Variants in CAMTA1 observed in about 807,000 individuals in gnomAD.
CAMTA1 encodes the protein calmodulin binding transcription activator 1.
Under a neutral mutation model 170.9 loss-of-function variants are expected in CAMTA1, and 27 were observed. The ratio of observed to expected loss-of-function variants is 0.16; its 90% confidence interval spans 0.12 to 0.22. The LOEUF is 0.22. CAMTA1 is among the 10% of genes least tolerant of loss of function. CAMTA1 has a pLI of 1.00. For missense variants in CAMTA1, 1,619 were observed against 2,217.2 expected (o/e 0.73, Z 5.42); for synonymous variants, 833 against 891.5 (o/e 0.93, Z 1.17).
At chr1:7,737,199 C>G in intron 14 of CAMTA1, 56 bp from the exon 15 acceptor site, 2 of 1,554,704 alleles carry the variant, frequency 1.3e-6, no homozygotes, top group Non-Finnish European at 1.8e-6. Context: ...TGGCAAAAGT[C>G]AGGTCTGGTC....
In CAMTA1 at chr1:6,970,679, G is replaced by C. The variant is rs1252839876; in HGVS notation, c.235-120625G>C. Among the ~76,000 whole-genome samples, 1 of 152,176 alleles carries C rather than the reference G, an allele frequency of 6.6e-6. No individual in the cohort carries two copies. The highest frequency in any genetic ancestry group is 1.5e-5 in the Non-Finnish European group (1 of 68,032). On this transcript the variant is annotated intron_variant, in intron 3 of 22. Transcript: ENST00000303635. The surrounding 1 kb of genome is among the most constrained non-coding windows in gnomAD (Gnocchi z 4.4). ...ATCGATGTGCATATCAGAAGCACAG[G>C]GGGCTACTAGAGCACCTGTTCAGGA...
chr1:7,128,557 GAAAA>G (rs1381942407), intron 4 of CAMTA1, among the ~76,000 whole-genome samples: 2 of 152,198 alleles, frequency 1.3e-5, no homozygotes, highest in African/African-American at 4.8e-5. Context: ...GATGGGCTAA[GAAAA>G]GTCAGATCAT....
At chr1:7,055,279 G>T (rs899915948) in intron 3 of CAMTA1, among the ~76,000 whole-genome samples, 3 of 152,184 alleles carry the variant, frequency 2.0e-5, no homozygotes, top group Non-Finnish European at 4.4e-5. Flanking sequence ...TTAACTGGTA[G>T]CTCTTACTAA....
chr1:7,521,449 T>G (rs1256678980), intron 6 of CAMTA1, among the ~76,000 whole-genome samples: 1 of 151,994 alleles, frequency 6.6e-6, no homozygotes, highest in Non-Finnish European at 1.5e-5. Context: ...TTTCCCCATT[T>G]TTACTTGCAT....
In CAMTA1 at chr1:7,664,469, C is replaced by T. The variant is rs749074000; in HGVS notation, c.1922C>T (p.Thr641Ile). The T allele has an allele frequency of 6.2e-7, 1 of 1,613,354 alleles. No individual in the cohort carries two copies. The highest frequency in any genetic ancestry group is 8.5e-7 in the Non-Finnish European group (1 of 1,180,038). ...THSSLSDSGG[T>I]FVMPTVKTEA... is the part of the protein sequence containing the mutation. ...AGCAGCCTGAGTGACTCTGGGGGCA[C>T]CTTCGTGATGCCCACGGTGAAAACG... Residue 641 changes from threonine to isoleucine, a missense_variant, in exon 9 of 23, where the codon ACC becomes ATC. Physicochemically the swap from Thr to Ile is moderately conservative, Grantham distance 89. This residue lies in a region of CAMTA1 where 731 missense variants were observed against 907.6 expected (regional missense o/e 0.81). Coordinates refer to ENST00000303635, the MANE Select transcript of CAMTA1 (RefSeq NM_015215.4).
chr1:7,160,572 A>G (rs1249957242), intron 4 of CAMTA1, among the ~76,000 whole-genome samples: 1 of 150,350 alleles, frequency 6.7e-6, no homozygotes, highest in African/African-American at 2.5e-5. Context: ...TCTCTTTGTG[A>G]CCTCCCATTC....
chr1:7,662,931 A>G (rs2095973232), intron 8 of CAMTA1, among the ~76,000 whole-genome samples: 1 of 152,178 alleles, frequency 6.6e-6, no homozygotes, highest in Non-Finnish European at 1.5e-5. Flanking sequence ...GAGGTGGGGC[A>G]GGATACGAAC....
chr1:7,104,583 C>T (rs914031078), intron 4 of CAMTA1, among the ~76,000 whole-genome samples: 2 of 152,208 alleles, frequency 1.3e-5, no homozygotes, highest in African/African-American at 4.8e-5. Flanking sequence ...CCCTTGAATG[C>T]CAGCTGCTCA....
chr1:7,697,813 G>A (rs2096392633), intron 11 of CAMTA1, among the ~76,000 whole-genome samples: 1 of 152,162 alleles, frequency 6.6e-6, no homozygotes, highest in Admixed American at 6.5e-5. Flanking sequence ...CGCCAATCAT[G>A]GCATATCCTG....
intron 20 of CAMTA1, 88 bp downstream of exon 20, chr1:7,751,480 A>G: frequency 8.2e-7 from 1 of 1,214,582 alleles, no homozygotes; most frequent in Non-Finnish European, 1.1e-6. Flanking sequence ...CTGACATTGG[A>G]GTCTGGGGTG....
chr1:7,218,381 C>T (rs1321849571), intron 4 of CAMTA1, among the ~76,000 whole-genome samples: 2 of 152,240 alleles, frequency 1.3e-5, no homozygotes, highest in African/African-American at 4.8e-5. Flanking sequence ...CCACTTACAT[C>T]GCCACATTGA....
chr1:7,310,678 T>TCTCTCTC (rs1676482570), intron 5 of CAMTA1, among the ~76,000 whole-genome samples: 1 of 34,612 alleles, frequency 2.9e-5, no homozygotes, highest in Non-Finnish European at 5.0e-5. Flanking sequence ...TTTCCTTTCT[T>TCTCTCTC]TCTCTCTCTC....
chr1:7,148,830 C>A (rs1646393578), intron 4 of CAMTA1, among the ~76,000 whole-genome samples: 1 of 152,244 alleles, frequency 6.6e-6, no homozygotes, highest in African/African-American at 2.4e-5. Context: ...TACTCTCTGG[C>A]CTGCCTCACC....
At chr1:7,590,272 G>T (rs2095345756) in intron 6 of CAMTA1, among the ~76,000 whole-genome samples, 1 of 152,190 alleles carries the variant, frequency 6.6e-6, no homozygotes, top group Admixed American at 6.5e-5. Flanking sequence ...CCTGGCCAGG[G>T]CTGATCCTGA....
chr1:7,020,024 T>C (rs1349276032), intron 3 of CAMTA1, among the ~76,000 whole-genome samples: 1 of 152,242 alleles, frequency 6.6e-6, no homozygotes. Context: ...GGGGATTGCC[T>C]GAAGCCAATG....
At chr1:7,704,216 G>A (rs2096477989) in intron 11 of CAMTA1, among the ~76,000 whole-genome samples, 1 of 147,390 alleles carries the variant, frequency 6.8e-6, no homozygotes, top group African/African-American at 2.4e-5. Context: ...GGGAACGCGG[G>A]CCCTCGGCGC....
intron 3 of CAMTA1, among the ~76,000 whole-genome samples, chr1:7,069,988 G>C (rs1427571695): frequency 6.6e-6 from 1 of 152,210 alleles, no homozygotes; most frequent in African/African-American, 2.4e-5. Flanking sequence ...TCCTTGCCGC[G>C]GCCTCTGGTT....
At chr1:7,281,034 A>G (rs533749717) in intron 5 of CAMTA1, among the ~76,000 whole-genome samples, 10 of 152,358 alleles carry the variant, frequency 6.6e-5, no homozygotes, top group South Asian at 2.1e-4. Flanking sequence ...TAATTATTCC[A>G]TTGATGAACT....
Position 7,747,799 on chromosome 1 carries a change from AC to A in CAMTA1, c.4689+20del. ...ATAAACAGGTAAACCTCAGTTTTGC[AC>A]CACAGAAGGAAACTGTGCCCCACCC... On this transcript the variant is annotated intron_variant, in intron 19 of 22. Transcript: ENST00000303635. The A allele has an allele frequency of 6.3e-7, 1 of 1,591,736 alleles. No individual in the cohort carries two copies. Among genetic ancestry groups the A allele is most frequent in the African/African-American group, 1.3e-5 (1 of 74,218 alleles).
Sources: allele counts gnomAD v4.1 joint callset (sites outside exome capture counted in the v4.1 genomes callset), GRCh38; gene constraint gnomAD v4.1.1; regional missense constraint gnomAD v4.1.1; non-coding constraint Gnocchi (gnomAD v3.1); transcripts MANE v1.5; gene names NCBI Gene and HGNC (gene_info 2026-07-23, HGNC 2026-07-21).